RMDN2: variants seen among roughly 807,000 people sequenced by gnomAD.
RMDN2 encodes the protein regulator of microtubule dynamics 2.
A neutral mutation model predicts 52.8 loss-of-function variants in RMDN2; 61 were observed. That is an observed-to-expected ratio of 1.16 (90% CI 0.94 to 1.43). The LOEUF (loss-of-function observed/expected upper bound fraction) is 1.43, where lower values mean the gene tolerates loss of function less well. RMDN2 is among the 40% of genes most tolerant of loss of function. RMDN2 has a pLI of 0.00. For missense variants in RMDN2, 592 were observed against 475.3 expected (o/e 1.25, Z -2.28); for synonymous variants, 180 against 153.1 (o/e 1.18, Z -1.30).
intron 10 of RMDN2, among the ~76,000 whole-genome samples, chr2:38,014,318 G>A (rs17021844): frequency 0.012 from 1,884 of 152,138 alleles, 44 homozygotes; most frequent in African/African-American, 0.043. Context: ...TTTACAACCC[G>A]CTATTTCTAC....
downstream of RMDN2, among the ~76,000 whole-genome samples, chr2:38,018,309 A>G (rs956342132): frequency 1.5e-4 from 23 of 152,238 alleles, no homozygotes. Context: ...ACTTGGGTAC[A>G]TTAAATATGA....
intron 2 of RMDN2, among the ~76,000 whole-genome samples, chr2:37,972,475 G>C (rs1671933438): frequency 6.6e-6 from 1 of 152,200 alleles, no homozygotes; most frequent in Non-Finnish European, 1.5e-5. Context: ...GAAAGTGATA[G>C]AAGATAAGAC....
At chr2:38,028,311 C>A (rs72787067) in intron 10 of RMDN2, 1 of 152,144 alleles carries the variant, frequency 6.6e-6, no homozygotes. Context: ...ACAATTATCA[C>A]GTCCAGAAAA....
rs138409502 is a variant in RMDN2, at chr2:37,980,414, C to T, written c.731-869C>T. Among the ~76,000 whole-genome samples the T allele has an allele frequency of 8.8e-3, 1,345 of 152,246 alleles. 14 individuals are homozygous for T. The highest frequency in any genetic ancestry group is 0.031 in the African/African-American group (1,271 of 41,532). The stretch of plus-strand genomic sequence containing the variant: ...TGCCTCCTGGGATCAAGTGATTCTC[C>T]TGCCTCAGCCTCCTGAGTAGCTGGG... On this transcript the variant is annotated intron_variant, in intron 4 of 10. Transcript: ENST00000354545.
intron 2 of RMDN2, among the ~76,000 whole-genome samples, chr2:37,938,851 C>T (rs1447305281): frequency 3.3e-5 from 5 of 152,114 alleles, no homozygotes; most frequent in Non-Finnish European, 7.3e-5. Flanking sequence ...ACACCAGCTC[C>T]TGGATTCACT....
intron 2 of RMDN2, among the ~76,000 whole-genome samples, chr2:37,966,135 T>C (rs1237739400): frequency 6.6e-6 from 1 of 152,182 alleles, no homozygotes; most frequent in Non-Finnish European, 1.5e-5. Flanking sequence ...AGTTATTGCA[T>C]TTGTGGCCGG....
At chr2:38,019,569 C>T (rs1455924820), downstream of RMDN2, among the ~76,000 whole-genome samples, 1 of 152,146 alleles carries the variant, frequency 6.6e-6, no homozygotes, top group African/African-American at 2.4e-5. Flanking sequence ...AAGGGAATTC[C>T]CCTCCTCATC....
intron 2 of RMDN2, among the ~76,000 whole-genome samples, chr2:37,973,723 T>C (rs1326798408): frequency 6.6e-6 from 1 of 151,944 alleles, no homozygotes; most frequent in Non-Finnish European, 1.5e-5. Flanking sequence ...GAAACGGCGT[T>C]TCATTAAAGG....
At chr2:37,980,084 ATTTT>A (rs1372566435) in intron 4 of RMDN2, among the ~76,000 whole-genome samples, 1 of 152,170 alleles carries the variant, frequency 6.6e-6, no homozygotes, top group Non-Finnish European at 1.5e-5. Context: ...AGAATAAAAT[ATTTT>A]TATTTATAAA....
rs116197756 is a variant in RMDN2 at position 37,998,808 on chromosome 2, G to A, written c.1044+1294G>A. Among the ~76,000 whole-genome samples, 499 of 152,064 alleles carry A rather than the reference G, an allele frequency of 3.3e-3. 1 individual carries two copies. Among genetic ancestry groups the A allele is most frequent in the African/African-American group, 0.011 (468 of 41,478 alleles). On this transcript the variant is annotated intron_variant, in intron 8 of 10. Coordinates refer to ENST00000354545, the MANE Select transcript of RMDN2 (RefSeq NM_001170791.3). ...ATCCCTTTTTTTGTTGTATAAAAAG[G>A]GAGTCAATACCTCAGGAACTTAATT...
chr2:37,987,419 A>G (rs1027476479), intron 5 of RMDN2, among the ~76,000 whole-genome samples: 8 of 152,184 alleles, frequency 5.3e-5, no homozygotes, highest in Admixed American at 1.3e-4. Flanking sequence ...ACATATTACT[A>G]AGTAAAAGAA....
chr2:37,927,947 T>C (rs996817077), intron 1 of RMDN2, among the ~76,000 whole-genome samples: 2 of 152,220 alleles, frequency 1.3e-5, no homozygotes, highest in Admixed American at 6.5e-5. Flanking sequence ...TTCCCAGTTA[T>C]ACCAATTAGG....
At chr2:37,974,322 G>GA (rs1394291465) in intron 3 of RMDN2, 108 bp downstream of exon 3, 4 of 672,748 alleles carry the variant, frequency 5.9e-6, no homozygotes, top group Non-Finnish European at 4.4e-6. Flanking sequence ...ACATTTTGAT[G>GA]ATTGATGTAA....
Position 38,013,000 on chromosome 2 carries a change from C to T in RMDN2, c.1180-4186C>T, listed in dbSNP as rs551206426. On this transcript the variant is annotated intron_variant, in intron 10 of 10. Transcript: ENST00000354545. ...GCTAGTTGATATTGGGAGTGTCAGTCGTTTGGTCTCTAGAGCCCAGATTCA... is the reference window on the plus strand; with the variant it reads ...GCTAGTTGATATTGGGAGTGTCAGTTGTTTGGTCTCTAGAGCCCAGATTCA... Among the ~76,000 whole-genome samples the T allele has an allele frequency of 5.9e-5, 9 of 152,350 alleles. 1 individual carries two copies. In the East Asian group the frequency reaches 1.2e-3, roughly 20 times the overall value.
chr2:37,923,307 T>C (rs1277335744), upstream of RMDN2: 1 of 152,222 alleles, frequency 6.6e-6, no homozygotes, highest in African/African-American at 2.4e-5. Context: ...TGACATAGTC[T>C]ATGTCCTGAA....
chr2:38,003,560 A>ATAGC (rs1553375312), intron 8 of RMDN2, among the ~76,000 whole-genome samples: 1 of 149,318 alleles, frequency 6.7e-6, no homozygotes, highest in Non-Finnish European at 1.5e-5. Flanking sequence ...AGATAGATAG[A>ATAGC]TAGATAGATA....
chr2:37,934,389 A>G (rs1667114339), intron 2 of RMDN2, among the ~76,000 whole-genome samples: 1 of 152,100 alleles, frequency 6.6e-6, no homozygotes, highest in Non-Finnish European at 1.5e-5. Flanking sequence ...TCTGCTGGGT[A>G]TGGTGGTGAT....
intron 4 of RMDN2, among the ~76,000 whole-genome samples, chr2:37,975,819 CAG>C (rs763964361): frequency 1.3e-5 from 2 of 152,144 alleles, no homozygotes; most frequent in African/African-American, 2.4e-5. Context: ...TGTACACTCT[CAG>C]AACAGAAAGG....
intron 5 of RMDN2, among the ~76,000 whole-genome samples, chr2:37,987,649 A>G (rs1287573936): frequency 2.0e-5 from 3 of 152,210 alleles, no homozygotes; most frequent in African/African-American, 7.2e-5. Context: ...AACCCATAGA[A>G]TATTAAACAC....
Sources: gnomAD v4.1 joint callset for allele counts (sites outside exome capture counted in the v4.1 genomes callset) on GRCh38, gnomAD v4.1.1 for gene constraint, MANE v1.5 for transcripts, NCBI Gene and HGNC (gene_info 2026-07-23, HGNC 2026-07-21) for gene names.